Variants in TRABD2B observed in about 807,000 individuals in gnomAD.
TRABD2B encodes metalloprotease TIKI2.
Under a neutral mutation model 40.1 loss-of-function variants are expected in TRABD2B, and 14 were observed. That is an observed-to-expected ratio of 0.35 (90% CI 0.23 to 0.55). The LOEUF (loss-of-function observed/expected upper bound fraction) is 0.55. Among genes scored for constraint, TRABD2B ranks in the 20% least tolerant of loss-of-function variants. TRABD2B has a pLI of 0.90. For synonymous variants in TRABD2B, 263 were observed against 277.0 expected (o/e 0.95, Z 0.50); for missense variants, 541 against 648.6 (o/e 0.83, Z 1.80).
intron 2 of TRABD2B, among the ~76,000 whole-genome samples, chr1:47,855,057 G>GAAA (rs557995864): frequency 3.0e-4 from 45 of 152,332 alleles, no homozygotes; most frequent in Admixed American, 5.2e-4. Context: ...GCACTGAGCT[G>GAAA]AAACTTCAGA....
intron 2 of TRABD2B, among the ~76,000 whole-genome samples, chr1:47,804,109 T>C (rs1310885128): frequency 6.6e-6 from 1 of 152,206 alleles, no homozygotes; most frequent in African/African-American, 2.4e-5. Context: ...GAGCGCTAGA[T>C]TGCACTGGAT....
At chr1:47,957,859 C>T (rs1481043572) in intron 2 of TRABD2B, among the ~76,000 whole-genome samples, 1 of 152,130 alleles carries the variant, frequency 6.6e-6, no homozygotes, top group Non-Finnish European at 1.5e-5. Flanking sequence ...ATACAGAGAC[C>T]ACCACGAAGA....
At position 47,889,091 on chromosome 1, in the gene TRABD2B, T is replaced by G. The variant is rs188111802; in HGVS notation, c.667-87472A>C. The stretch of plus-strand genomic sequence containing the variant: ...TCCCTGAGGGTAGAGACCGTCTCTC[T>G]TCTTCACCACTGAAAATGTGGGCCT... On this transcript the variant is annotated intron_variant, in intron 2 of 6. Coordinates refer to ENST00000606738, the MANE Select transcript of TRABD2B (RefSeq NM_001194986.2). Among the ~76,000 whole-genome samples, 3 of 152,336 alleles carry G rather than the reference T, an allele frequency of 2.0e-5. No individual in the cohort carries two copies. The East Asian group carries it at 5.8e-4, about 29-fold the overall frequency.
intron 2 of TRABD2B, among the ~76,000 whole-genome samples, chr1:47,961,207 T>C (rs1331561059): frequency 6.6e-6 from 1 of 152,190 alleles, no homozygotes; most frequent in Non-Finnish European, 1.5e-5. Flanking sequence ...ATACAAAAAT[T>C]GATTCAAGAT....
chr1:47,785,180 G>A (rs1026035282), intron 4 of TRABD2B, among the ~76,000 whole-genome samples: 3 of 152,166 alleles, frequency 2.0e-5, no homozygotes, highest in South Asian at 2.1e-4. Context: ...GTTGGAACAC[G>A]AGGGTGTCCC....
At chr1:47,943,095 G>A (rs553220230) in intron 2 of TRABD2B, among the ~76,000 whole-genome samples, 1 of 152,264 alleles carries the variant, frequency 6.6e-6, no homozygotes, top group African/African-American at 2.4e-5. Flanking sequence ...TCCTCTCTCT[G>A]AGCCTTGGTT....
intron 6 of TRABD2B, among the ~76,000 whole-genome samples, chr1:47,768,236 T>C (rs1644331064): frequency 1.3e-5 from 2 of 151,996 alleles, no homozygotes; most frequent in Admixed American, 1.3e-4. Flanking sequence ...TTAGAGAGAC[T>C]CCAAGGAACT....
intron 2 of TRABD2B, among the ~76,000 whole-genome samples, chr1:47,974,773 T>C (rs1471175306): frequency 6.6e-6 from 1 of 152,152 alleles, no homozygotes; most frequent in Admixed American, 6.5e-5. Flanking sequence ...GAAAAAAGGG[T>C]ACCTCTATAG....
chr1:47,984,488 C>G (rs1000547725), intron 2 of TRABD2B, among the ~76,000 whole-genome samples: 2 of 152,234 alleles, frequency 1.3e-5, no homozygotes, highest in Non-Finnish European at 2.9e-5. Flanking sequence ...TGGGCACAGT[C>G]ATGCAAGCCT....
At chr1:47,833,226 C>T (rs953963403) in intron 2 of TRABD2B, among the ~76,000 whole-genome samples, 70 of 152,150 alleles carry the variant, frequency 4.6e-4, no homozygotes, top group African/African-American at 1.7e-3. Context: ...GATCTGACTC[C>T]TGATTTGCCA....
intron 2 of TRABD2B, among the ~76,000 whole-genome samples, chr1:47,811,266 C>A (rs542259828): frequency 6.6e-6 from 1 of 152,158 alleles, no homozygotes; most frequent in African/African-American, 2.4e-5. Context: ...CCCTCACCAC[C>A]CCCCCATCGC....
At chr1:47,793,288 C>T (rs1249978240) in intron 4 of TRABD2B, among the ~76,000 whole-genome samples, 3 of 152,156 alleles carry the variant, frequency 2.0e-5, no homozygotes, top group Non-Finnish European at 2.9e-5. Flanking sequence ...CCTGCATGAA[C>T]CCAGAACTCT....
chr1:47,899,923 G>A (rs1446078676), intron 2 of TRABD2B, among the ~76,000 whole-genome samples: 1 of 152,126 alleles, frequency 6.6e-6, no homozygotes, highest in African/African-American at 2.4e-5. Flanking sequence ...TTCAATGCAC[G>A]ACCCATATCC....
intron 2 of TRABD2B, among the ~76,000 whole-genome samples, chr1:47,874,075 T>C (rs1644183401): frequency 6.6e-6 from 1 of 151,860 alleles, no homozygotes; most frequent in Non-Finnish European, 1.5e-5. Context: ...ATAGAGTGAG[T>C]AGCTTGTAAA....
chr1:47,919,782 T>C (rs1644877802), intron 2 of TRABD2B, among the ~76,000 whole-genome samples: 1 of 152,194 alleles, frequency 6.6e-6, no homozygotes, highest in South Asian at 2.1e-4. Context: ...CAACAAGGCA[T>C]GCTAAGTGCA....
chr1:47,778,608 C>T (rs1644479450), intron 4 of TRABD2B, 64 bp from the exon 5 acceptor site: 12 of 1,185,762 alleles, frequency 1.0e-5, no homozygotes, highest in African/African-American at 1.5e-5. Flanking sequence ...GGGGACTGCC[C>T]CAGGCCATCC....
At chr1:47,891,675 G>A (rs531497613) in intron 2 of TRABD2B, among the ~76,000 whole-genome samples, 57 of 152,160 alleles carry the variant, frequency 3.7e-4, no homozygotes, top group Non-Finnish European at 6.2e-4. Flanking sequence ...AGTGGTGCAC[G>A]CTTGTAGTCC....
At chr1:47,930,076 G>A (rs1645019590) in intron 2 of TRABD2B, among the ~76,000 whole-genome samples, 1 of 152,174 alleles carries the variant, frequency 6.6e-6, no homozygotes, top group South Asian at 2.1e-4. Flanking sequence ...CCCAGGCCCA[G>A]CCAGGGAGGT....
At chr1:47,886,417 C>T (rs529531896) in intron 2 of TRABD2B, among the ~76,000 whole-genome samples, 3 of 152,306 alleles carry the variant, frequency 2.0e-5, no homozygotes, top group South Asian at 2.1e-4. Context: ...CTCCTCACTG[C>T]TGGACACCTA....
Sources: gnomAD v4.1 joint callset for allele counts (sites outside exome capture counted in the v4.1 genomes callset) on GRCh38, gnomAD v4.1.1 for gene constraint, MANE v1.5 for transcripts, NCBI Gene and HGNC (gene_info 2026-07-23, HGNC 2026-07-21) for gene names.